DENND4C: variants seen among roughly 807,000 people sequenced by gnomAD.
The protein encoded by DENND4C is DENN domain containing 4C.
A neutral mutation model predicts 203.0 loss-of-function variants in DENND4C; 108 were observed. The ratio of observed to expected loss-of-function variants is 0.53; its 90% CI spans 0.46 to 0.62. The LOEUF (loss-of-function observed/expected upper bound fraction) is 0.62, where lower values mean the gene tolerates loss of function less well. Ranked by LOEUF, DENND4C falls within the 20% of genes least tolerant of loss-of-function variation. The pLI, the probability that DENND4C is intolerant of heterozygous loss-of-function variation, is 0.00. For synonymous variants in DENND4C, 871 were observed against 792.4 expected (o/e 1.10, Z -1.67); for missense variants, 2,481 against 2,301.2 (o/e 1.08, Z -1.60).
rs34512237 is a variant in DENND4C, at chr9:19,261,450, C to CTT, written c.-17-14695_-17-14694dup. On this transcript the variant is annotated intron_variant, in intron 1 of 32. Transcript: ENST00000434457. ...TAATCTGTAGATTGTGTAGTATGGA[C>CTT]TTTTTTTTTTTTTTAAACAACTTTG... Among the ~76,000 whole-genome samples, 1,285 of 142,976 alleles carry CTT rather than the reference C, an allele frequency of 9.0e-3. 6 individuals are homozygous for CTT. Among genetic ancestry groups the CTT allele is most frequent in the Non-Finnish European group, 0.013 (824 of 65,810 alleles). 93.8% of individuals were successfully genotyped at this position (142,976 alleles called of 152,430 possible). A position where few individuals can be genotyped will look rare whatever the true frequency, so the allele number is the denominator to read the frequency against.
At chr9:19,248,203 C>T (rs1301351227) in intron 1 of DENND4C, among the ~76,000 whole-genome samples, 3 of 152,180 alleles carry the variant, frequency 2.0e-5, no homozygotes, top group Non-Finnish European at 4.4e-5. Flanking sequence ...TTTTCTCCTT[C>T]ACTGACCTCA....
chr9:19,337,498 A>G (rs573720146), intron 20 of DENND4C: 53 of 522,386 alleles, frequency 1.0e-4, no homozygotes, highest in Admixed American at 4.3e-4. Flanking sequence ...ACTTGTCTCA[A>G]TGACTGAAGT....
intron 31 of DENND4C, chr9:19,371,544 A>G (rs544744811): frequency 1.2e-5 from 4 of 327,110 alleles, no homozygotes; most frequent in African/African-American, 6.5e-5. Context: ...AGTTACAAAA[A>G]TAGTACAGAA....
chr9:19,240,389 C>G (rs528287218), intron 1 of DENND4C, among the ~76,000 whole-genome samples: 30 of 152,198 alleles, frequency 2.0e-4, no homozygotes, highest in African/African-American at 6.7e-4. Flanking sequence ...GGCCGGGAAC[C>G]AGGCACAGTG....
chr9:19,255,855 C>T (rs1307330457), intron 1 of DENND4C, among the ~76,000 whole-genome samples: 1 of 152,134 alleles, frequency 6.6e-6, no homozygotes, highest in Non-Finnish European at 1.5e-5. Context: ...CTTGTTACAA[C>T]ACTATTTACT....
At chr9:19,253,782 C>T (rs1827243631) in intron 1 of DENND4C, among the ~76,000 whole-genome samples, 1 of 151,982 alleles carries the variant, frequency 6.6e-6, no homozygotes, top group Admixed American at 6.6e-5. Context: ...TGCATTTAGT[C>T]TTGTAATTGA....
Position 19,360,373 on chromosome 9 carries a change from A to G in DENND4C, c.5290A>G (p.Ile1764Val), listed in dbSNP as rs752529201. The change falls in exon 29 of 33, where the codon ATC becomes GTC. Residue 1764 changes from isoleucine (I) to valine (V), a missense_variant. Coordinates refer to ENST00000434457, the MANE Select transcript of DENND4C (RefSeq NM_001330640.2). ...TCAGGTGATTCATACATCTTCTTTC[A>G]TCAATCAACATCCAATCATTTTCTG... ...GDQVIHTSSF[I>V]NQHPIIFWNL... 1.2e-6 allele frequency: 2 copies of G among 1,614,006 alleles called. No homozygotes were observed. Among genetic ancestry groups the G allele is most frequent in the Admixed American group, 3.3e-5 (2 of 60,008 alleles).
intron 1 of DENND4C, among the ~76,000 whole-genome samples, chr9:19,233,143 GTTTCATTTGT>G (rs1564069029): frequency 6.6e-6 from 1 of 152,050 alleles, no homozygotes; most frequent in Non-Finnish European, 1.5e-5. Flanking sequence ...GTGGCAGGTT[GTTTCATTTGT>G]TTTTTTGATT....
Position 19,305,551 on chromosome 9 carries a change from T to C in DENND4C, c.1487+24T>C, listed in dbSNP as rs534431134. ...GTGTAAGTTGATTCATTTTATATTATCTCCCATTTATATTTTTCACTATGT... is the reference window on the plus strand; with the variant it reads ...GTGTAAGTTGATTCATTTTATATTACCTCCCATTTATATTTTTCACTATGT... On this transcript the variant is annotated intron_variant, in intron 10 of 32. Transcript: ENST00000434457. 4.4e-6 allele frequency: 7 copies of C among 1,593,350 alleles called. No homozygotes were observed. The East Asian group carries it at 8.9e-5, about 20-fold the overall frequency.
In DENND4C at chr9:19,325,849, A is replaced by C. The variant is rs566350841; in HGVS notation, c.1954-90A>C. On this transcript the variant is annotated intron_variant, in intron 13 of 32. Coordinates refer to ENST00000434457, the MANE Select transcript of DENND4C (RefSeq NM_001330640.2). ...GTATCAGCTGGTACTGAAAAGGGGTAGTTTTTTTCTAAATCAGAATGTAAG... is the reference window on the plus strand; with the variant it reads ...GTATCAGCTGGTACTGAAAAGGGGTCGTTTTTTTCTAAATCAGAATGTAAG... 10 of 1,218,284 alleles carry C rather than the reference A, an allele frequency of 8.2e-6. No homozygotes were observed. In the African/African-American group the frequency reaches 1.5e-4, roughly 19 times the overall value. 75.5% of individuals were successfully genotyped at this position (1,218,284 alleles called of 1,614,324 possible). A position where few individuals can be genotyped will look rare whatever the true frequency, so the allele number is the denominator to read the frequency against.
chr9:19,370,070 AG>A, intron 31 of DENND4C, 83 bp downstream of exon 31: 1 of 1,509,460 alleles, frequency 6.6e-7, no homozygotes, highest in Non-Finnish European at 9.1e-7. Flanking sequence ...AAATATCTCT[AG>A]TTGTCGAAGA....
intron 1 of DENND4C, among the ~76,000 whole-genome samples, chr9:19,269,885 A>G (rs1588796140): frequency 1.3e-5 from 2 of 152,152 alleles, no homozygotes; most frequent in East Asian, 3.9e-4. Flanking sequence ...GCTTGTTTGT[A>G]CCCATCCTTC....
At chr9:19,260,931 A>T (rs1263601699) in intron 1 of DENND4C, among the ~76,000 whole-genome samples, 1 of 152,154 alleles carries the variant, frequency 6.6e-6, no homozygotes, top group African/African-American at 2.4e-5. Context: ...AAAGAAAGAG[A>T]TCTTTCCCCA....
chr9:19,303,962 C>T (rs1435110518), intron 9 of DENND4C, among the ~76,000 whole-genome samples: 1 of 150,680 alleles, frequency 6.6e-6, no homozygotes, highest in Non-Finnish European at 1.5e-5. Flanking sequence ...GTCCTCCTGC[C>T]TCAGCCTCCC....
intron 30 of DENND4C, among the ~76,000 whole-genome samples, chr9:19,367,673 G>C (rs1319957739): frequency 1.3e-5 from 2 of 152,222 alleles, no homozygotes; most frequent in Non-Finnish European, 2.9e-5. Flanking sequence ...CAGGGAGGCA[G>C]AGGTTGCAGT....
intron 13 of DENND4C, among the ~76,000 whole-genome samples, chr9:19,325,232 A>G (rs1843529813): frequency 6.6e-6 from 1 of 152,018 alleles, no homozygotes; most frequent in African/African-American, 2.4e-5. Flanking sequence ...TCTTTTGCCT[A>G]ATATGTTTCT....
At chr9:19,258,299 C>G (rs1278091299) in intron 1 of DENND4C, among the ~76,000 whole-genome samples, 1 of 152,204 alleles carries the variant, frequency 6.6e-6, no homozygotes, top group East Asian at 1.9e-4. Context: ...AACACCATTT[C>G]TCTACAACCT....
At chr9:19,285,693 A>G (rs1275780829) in intron 2 of DENND4C, among the ~76,000 whole-genome samples, 3 of 151,552 alleles carry the variant, frequency 2.0e-5, no homozygotes, top group South Asian at 2.1e-4. Context: ...AAAGAGTGCT[A>G]TAGTTCTTAC....
chr9:19,297,550 AT>A (rs931335804), intron 6 of DENND4C, among the ~76,000 whole-genome samples: 1 of 152,098 alleles, frequency 6.6e-6, no homozygotes, highest in Admixed American at 6.6e-5. Flanking sequence ...TATAATCAAT[AT>A]TTTTTTCAGT....
Sources: gnomAD v4.1 joint callset for allele counts (sites outside exome capture counted in the v4.1 genomes callset) on GRCh38, gnomAD v4.1.1 for gene constraint, MANE v1.5 for transcripts, NCBI Gene and HGNC (gene_info 2026-07-23, HGNC 2026-07-21) for gene names.